C11orf65: variants seen among roughly 807,000 people sequenced by gnomAD.
C11orf65 encodes the protein protein MFI.
Under a neutral mutation model 35.3 loss-of-function variants are expected in C11orf65, and 38 were observed. That is an observed-to-expected ratio of 1.08 (90% CI 0.83 to 1.41). The LOEUF (loss-of-function observed/expected upper bound fraction) is 1.41. Among genes scored for constraint, C11orf65 ranks in the 40% most tolerant of loss-of-function variants. The pLI is 0.00. For synonymous variants in C11orf65, 105 were observed against 114.4 expected (o/e 0.92, Z 0.53); for missense variants, 370 against 367.1 (o/e 1.01, Z -0.06).
intron 3 of C11orf65, among the ~76,000 whole-genome samples, chr11:108,417,993 G>A (rs1000250619): frequency 2.0e-5 from 3 of 151,152 alleles, no homozygotes; most frequent in African/African-American, 7.3e-5. Context: ...GACAGTTGGT[G>A]TGGTTGTATT....
chr11:108,464,484 C>A (rs977525622), intron 1 of C11orf65, among the ~76,000 whole-genome samples: 2 of 152,122 alleles, frequency 1.3e-5, no homozygotes, highest in Non-Finnish European at 2.9e-5. Context: ...GCCTCAGCCT[C>A]CCAAGTAGCT....
intron 2 of C11orf65, among the ~76,000 whole-genome samples, chr11:108,376,325 T>A (rs2138173333): frequency 6.6e-6 from 1 of 152,114 alleles, no homozygotes; most frequent in South Asian, 2.1e-4. Flanking sequence ...GGATTAAGAA[T>A]CTCACTCAAA....
At chr11:108,450,525 C>A (rs986223030) in intron 2 of C11orf65, among the ~76,000 whole-genome samples, 2 of 146,696 alleles carry the variant, frequency 1.4e-5, no homozygotes, top group African/African-American at 5.1e-5. Context: ...ATGGCAAGAA[C>A]AAAAAACCAA....
rs149074935 is a variant in C11orf65, at chr11:108,461,540, G to A, written c.20C>T (p.Ser7Leu). 485 of 1,608,730 alleles carry A rather than the reference G, an allele frequency of 3.0e-4. 2 individuals carry two copies. The African/African-American group carries it at 5.9e-3, about 19-fold the overall frequency. The change falls in exon 2 of 9, where the codon TCA (serine) becomes TTA (leucine). Residue 7 changes from serine (S) to leucine (L), a missense_variant. Coordinates refer to ENST00000393084, the MANE Select transcript of C11orf65 (RefSeq NM_152587.5). MPWKEE[S>L]EFTKQDKAAR... ...AGCCTTATCCTGCTTTGTAAATTCT[G>A]ATTCCTCTTTCCAAGGCATTTGAAA...
intron 2 of C11orf65, among the ~76,000 whole-genome samples, chr11:108,354,070 AACACACACACACACACACACAC>A (rs71047689): frequency 2.6e-5 from 3 of 114,832 alleles, no homozygotes; most frequent in South Asian, 3.0e-4. Flanking sequence ...CACACACACA[AACACACACACACACACACACAC>A]ACACACACAC....
chr11:108,309,432 ATGT>A (rs1340448072), intron 6 of C11orf65, among the ~76,000 whole-genome samples: 1 of 152,148 alleles, frequency 6.6e-6, no homozygotes, highest in African/African-American at 2.4e-5. Flanking sequence ...TCCAAGGTCC[ATGT>A]TGTTCCAGCA....
intron 2 of C11orf65, among the ~76,000 whole-genome samples, chr11:108,448,884 C>A (rs2135604097): frequency 6.6e-6 from 1 of 152,212 alleles, no homozygotes; most frequent in South Asian, 2.1e-4. Context: ...TCTAGAAAAC[C>A]CCATCATTTC....
intron 3 of C11orf65, among the ~76,000 whole-genome samples, chr11:108,427,798 C>T (rs1163339091): frequency 1.4e-5 from 2 of 143,168 alleles, no homozygotes; most frequent in African/African-American, 5.1e-5. Flanking sequence ...AAATGAGATA[C>T]CATCTCACGC....
At chr11:108,443,125 T>C (rs920593499) in intron 2 of C11orf65, among the ~76,000 whole-genome samples, 1 of 151,900 alleles carries the variant, frequency 6.6e-6, no homozygotes, top group African/African-American at 2.4e-5. Context: ...TGGAGGAAGA[T>C]CTAACAAGCA....
At chr11:108,453,165 G>T (rs1255337943) in intron 2 of C11orf65, among the ~76,000 whole-genome samples, 2 of 127,366 alleles carry the variant, frequency 1.6e-5, no homozygotes, top group Admixed American at 8.1e-5. Flanking sequence ...AAAGAAAAAA[G>T]AAAAAAAAAA....
At chr11:108,410,258 T>C (rs896008086) in intron 3 of C11orf65, among the ~76,000 whole-genome samples, 17 of 152,220 alleles carry the variant, frequency 1.1e-4, no homozygotes, top group African/African-American at 4.1e-4. Context: ...GTTATAATGG[T>C]AGCTCATTGT....
At chr11:108,357,486 G>T (rs1435295827) in intron 2 of C11orf65, among the ~76,000 whole-genome samples, 1 of 152,128 alleles carries the variant, frequency 6.6e-6, no homozygotes, top group Non-Finnish European at 1.5e-5. Flanking sequence ...TCCACCTCTG[G>T]GGGCAGGGCA....
At chr11:108,391,522 G>A (rs752688844) in intron 7 of C11orf65, among the ~76,000 whole-genome samples, 1 of 152,140 alleles carries the variant, frequency 6.6e-6, no homozygotes, top group Non-Finnish European at 1.5e-5. Flanking sequence ...GGGATTACAG[G>A]TGCCCGCCAC....
At chr11:108,438,618 G>C (rs1302951896) in intron 2 of C11orf65, among the ~76,000 whole-genome samples, 1 of 151,968 alleles carries the variant, frequency 6.6e-6, no homozygotes, top group Admixed American at 6.6e-5. Flanking sequence ...GAAAATATGG[G>C]GGAAAAGCTT....
Position 108,368,842 on chromosome 11 carries a change from T to G in C11orf65, c.226+24366A>C, listed in dbSNP as rs550040386. On this transcript the variant is annotated intron_variant, in intron 2 of 3. Coordinates refer to the C11orf65 transcript ENST00000524755. Reference sequence around the variant, plus strand: ...TGCCTAAAATGTATGCACTTAGGAATGCTAAAAATTTAAATATGGTCTAAA... The same window carrying G: ...TGCCTAAAATGTATGCACTTAGGAAGGCTAAAAATTTAAATATGGTCTAAA... 7 of 202,168 alleles carry G rather than the reference T, an allele frequency of 3.5e-5. No individual in the cohort carries two copies. The East Asian group carries it at 4.6e-4, about 13-fold the overall frequency. The allele number at this position is 202,168 out of a possible 1,614,324, so 12.5% of individuals were successfully genotyped here.
At position 108,321,275 on chromosome 11, in the gene C11orf65, G is replaced by A. The variant is rs1200420484; in HGVS notation, c.641-12204C>T. ...CCTGAAAACCTCTTCTTTATTTTCAGAGTGTCTTTTCTTTTTTGCTACTAG... is the reference window on the plus strand; with the variant it reads ...CCTGAAAACCTCTTCTTTATTTTCAAAGTGTCTTTTCTTTTTTGCTACTAG... On this transcript the variant is annotated intron_variant, in intron 6 of 6. Transcript: ENST00000525729. 5.0e-6 allele frequency: 8 copies of A among 1,613,422 alleles called. No homozygotes were observed. In the Admixed American group the frequency reaches 1.3e-4, roughly 27 times the overall value.
At chr11:108,362,831 G>A (rs2090938904) in intron 2 of C11orf65, among the ~76,000 whole-genome samples, 1 of 149,398 alleles carries the variant, frequency 6.7e-6, no homozygotes, top group Non-Finnish European at 1.5e-5. Context: ...GATAGCATTG[G>A]GAGATATACC....
intron 3 of C11orf65, among the ~76,000 whole-genome samples, chr11:108,419,933 T>A (rs938001186): frequency 6.6e-6 from 1 of 152,152 alleles, no homozygotes; most frequent in Admixed American, 6.5e-5. Context: ...AGAAATAAAA[T>A]GTATCATGTT....
At chr11:108,407,278 C>T (rs2092559005) in intron 3 of C11orf65, 129 bp from the exon 4 acceptor site, 1 of 710,940 alleles carries the variant, frequency 1.4e-6, no homozygotes, top group African/African-American at 1.8e-5. Context: ...TCAGGTGAAC[C>T]AACCTCAAAT....
Sources: allele counts gnomAD v4.1 joint callset (sites outside exome capture counted in the v4.1 genomes callset), GRCh38; gene constraint gnomAD v4.1.1; transcripts MANE v1.5; gene names NCBI Gene and HGNC (gene_info 2026-07-23, HGNC 2026-07-21).